CXADR: variants seen among roughly 807,000 people sequenced by gnomAD.
CXADR encodes the protein coxsackievirus and adenovirus receptor.
Under a neutral mutation model 40.3 loss-of-function variants are expected in CXADR, and 20 were observed. The observed-to-expected ratio is 0.50, with a 90% CI of 0.35 to 0.72. The LOEUF is 0.72. Ranked by LOEUF, CXADR falls within the 30% of genes least tolerant of loss-of-function variation. The pLI, the probability that CXADR is intolerant of heterozygous loss-of-function variation, is 0.01. For missense variants in CXADR, 332 were observed against 449.1 expected, an observed-to-expected ratio of 0.74 and a Z score of 2.36; for synonymous variants, 150 against 161.3, an observed-to-expected ratio of 0.93 and a Z score of 0.53.
rs1473462733 is a variant in CXADR, at chr21:17,570,071, G to A, written c.*4379G>A. The A allele has an allele frequency of 1.0e-6, 1 of 985,268 alleles. No homozygotes were observed. Among genetic ancestry groups the A allele is most frequent in the Non-Finnish European group, 1.2e-6 (1 of 829,924 alleles). The allele number at this position is 985,268 out of a possible 1,614,324, so 61.0% of individuals were successfully genotyped here. A position where few individuals can be genotyped will look rare whatever the true frequency, so the allele number is the denominator to read the frequency against. On this transcript the variant is annotated 3_prime_UTR_variant, in exon 7 of 7. Coordinates refer to ENST00000284878, the MANE Select transcript of CXADR (RefSeq NM_001338.5). ...ACTTGCTCTAGTTTTGTGACCTTGT[G>A]TACTTTTGAAATAAAATCAAGAAAG... is the stretch of plus-strand genomic sequence containing the variant.
intron 1 of CXADR, among the ~76,000 whole-genome samples, chr21:17,522,524 A>G (rs530070444): frequency 1.6e-4 from 24 of 152,254 alleles, no homozygotes; most frequent in African/African-American, 5.5e-4. Context: ...TTTCATGCCC[A>G]CTAATTCTTC....
In CXADR at chr21:17,569,123, C is replaced by A; in HGVS notation, c.*3431C>A. ...TATCAAATTCTGTGATGTGTGGCTT[C>A]TTAAAAATATTCTCAGTGTCTTTTG... On this transcript the variant is annotated 3_prime_UTR_variant, in exon 7 of 7. Transcript: ENST00000284878. 1.0e-6 allele frequency: 1 copy of A among 985,364 alleles called. No homozygotes were observed. Among genetic ancestry groups the A allele is most frequent in the Non-Finnish European group, 1.2e-6 (1 of 829,920 alleles). 61.0% of individuals were successfully genotyped at this position (985,364 alleles called of 1,614,324 possible). A position where few individuals can be genotyped will look rare whatever the true frequency, so the allele number is the denominator to read the frequency against.
intron 6 of CXADR, among the ~76,000 whole-genome samples, chr21:17,562,321 TTTG>T (rs1429129165): frequency 1.4e-5 from 2 of 144,676 alleles, no homozygotes; most frequent in African/African-American, 5.7e-5. Flanking sequence ...TGTTGGGTTT[TTTG>T]TTGTTTGTTT....
chr21:17,624,120 C>G, the CXADR span, among the ~76,000 whole-genome samples: 2 of 152,116 alleles, frequency 1.3e-5, no homozygotes, highest in African/African-American at 4.8e-5. Flanking sequence ...TCACAATGTT[C>G]TACTAAGCCC....
chr21:17,571,083 C>T (rs2061273971), downstream of CXADR, among the ~76,000 whole-genome samples: 1 of 152,184 alleles, frequency 6.6e-6, no homozygotes, highest in African/African-American at 2.4e-5. Flanking sequence ...AATATCTCCC[C>T]TGGGGTCGGA....
At chr21:17,591,289 G>A (rs1057505287) in intron 7 of CXADR, among the ~76,000 whole-genome samples, 19 of 151,962 alleles carry the variant, frequency 1.3e-4, no homozygotes, top group African/African-American at 4.6e-4. Context: ...ACCCCCTGAG[G>A]CTGTGATGAT....
intron 7 of CXADR, among the ~76,000 whole-genome samples, chr21:17,579,624 C>T (rs1056090981): frequency 6.6e-6 from 1 of 152,304 alleles, no homozygotes; most frequent in African/African-American, 2.4e-5. Flanking sequence ...AGGCCATTCC[C>T]TGGGCGGCTT....
chr21:17,537,848 G>T (rs2060778733), intron 1 of CXADR, among the ~76,000 whole-genome samples: 2 of 152,070 alleles, frequency 1.3e-5, no homozygotes, highest in Non-Finnish European at 2.9e-5. Flanking sequence ...GGCAGAGGGT[G>T]AGCGCAGTTT....
intron 1 of CXADR, among the ~76,000 whole-genome samples, chr21:17,543,556 A>G (rs2060856602): frequency 6.6e-6 from 1 of 152,164 alleles, no homozygotes; most frequent in Non-Finnish European, 1.5e-5. Context: ...TTAGCTCCAT[A>G]TTTGAACTAT....
At chr21:17,536,913 T>C (rs2060766161) in intron 1 of CXADR, among the ~76,000 whole-genome samples, 1 of 151,996 alleles carries the variant, frequency 6.6e-6, no homozygotes. Context: ...CCCACCACCA[T>C]GCCCAGCTAA....
chr21:17,605,004 C>T, the CXADR span: 2 of 1,612,846 alleles, frequency 1.2e-6, no homozygotes, highest in Admixed American at 1.7e-5. Flanking sequence ...ACATCTACAA[C>T]AAAGTGGAGT....
chr21:17,529,401 A>G (rs1446046249), intron 1 of CXADR, among the ~76,000 whole-genome samples: 2 of 152,124 alleles, frequency 1.3e-5, no homozygotes, highest in South Asian at 4.1e-4. Context: ...GCTCACTGCA[A>G]GCTCTGCCTC....
chr21:17,599,863 C>T, the CXADR span, among the ~76,000 whole-genome samples: 15 of 152,044 alleles, frequency 9.9e-5, no homozygotes, highest in Non-Finnish European at 1.9e-4. Context: ...TTGACTTTAA[C>T]CCCAATTAAA....
At chr21:17,540,110 C>T (rs556925248) in intron 1 of CXADR, among the ~76,000 whole-genome samples, 4 of 152,280 alleles carry the variant, frequency 2.6e-5, no homozygotes, top group African/African-American at 7.2e-5. Flanking sequence ...TGCCGTCTCC[C>T]TCTATCCTCA....
chr21:17,608,720 G>C, the CXADR span: 1 of 379,694 alleles, frequency 2.6e-6, no homozygotes, highest in East Asian at 3.9e-5. Flanking sequence ...TAGGAGCCAG[G>C]CTATAACCAC....
intron 2 of CXADR, among the ~76,000 whole-genome samples, chr21:17,547,798 A>C (rs2060917766): frequency 6.6e-6 from 1 of 152,168 alleles, no homozygotes; most frequent in African/African-American, 2.4e-5. Flanking sequence ...TCCCAGTGTA[A>C]AAATGAAGTC....
chr21:17,580,565 G>T (rs1026245850), intron 7 of CXADR, among the ~76,000 whole-genome samples: 1 of 152,026 alleles, frequency 6.6e-6, no homozygotes, highest in African/African-American at 2.4e-5. Context: ...AGTTGTGATC[G>T]CACTACTGAA....
chr21:17,621,962 T>C, the CXADR span, among the ~76,000 whole-genome samples: 17 of 152,316 alleles, frequency 1.1e-4, no homozygotes, highest in African/African-American at 3.8e-4. Flanking sequence ...AGGGTTTGTA[T>C]GTGGTTGGGC....
In CXADR at chr21:17,569,154, G is replaced by C; in HGVS notation, c.*3462G>C. On this transcript the variant is annotated 3_prime_UTR_variant, in exon 7 of 7. Transcript: ENST00000284878. Reference sequence around the variant, plus strand: ...AATATTCTCAGTGTCTTTTGTGTGCGTGCAGCATGTACATTTGATGTTATG... The same window carrying C: ...AATATTCTCAGTGTCTTTTGTGTGCCTGCAGCATGTACATTTGATGTTATG... 2.0e-5 allele frequency: 20 copies of C among 985,324 alleles called. No homozygotes were observed. The highest frequency in any genetic ancestry group is 2.4e-5 in the Non-Finnish European group (20 of 829,890). The allele number at this position is 985,324 out of a possible 1,614,324, so 61.0% of individuals were successfully genotyped here. A position where few individuals can be genotyped will look rare whatever the true frequency, so the allele number is the denominator to read the frequency against.
Sources: allele counts gnomAD v4.1 joint callset (sites outside exome capture counted in the v4.1 genomes callset), GRCh38; gene constraint gnomAD v4.1.1; transcripts MANE v1.5; gene names NCBI Gene and HGNC (gene_info 2026-07-23, HGNC 2026-07-21).